ELAVL4: variants seen among roughly 807,000 people sequenced by gnomAD.
ELAVL4 encodes the protein ELAV like RNA binding protein 4, also known as ELAV-like protein 4.
In ELAVL4, 1 loss-of-function variant was observed where a neutral mutation model predicts 35.6. The observed-to-expected ratio is 0.03, with a 90% CI of 0.01 to 0.13. The LOEUF is 0.13. Among genes scored for constraint, ELAVL4 ranks in the 10% least tolerant of loss-of-function variants. ELAVL4 has a pLI of 1.00. For missense variants in ELAVL4, 267 were observed against 464.9 expected (o/e 0.57, Z 3.91); for synonymous variants, 156 against 171.0 (o/e 0.91, Z 0.69).
chr1:50,102,276 A>C (rs1433549031), upstream of ELAVL4, among the ~76,000 whole-genome samples: 2 of 150,424 alleles, frequency 1.3e-5, no homozygotes, highest in Non-Finnish European at 2.9e-5. Flanking sequence ...TCAAAGCGAG[A>C]CTCCATCTCA....
chr1:50,127,199 C>G (rs1397485929), intron 1 of ELAVL4, among the ~76,000 whole-genome samples: 1 of 152,126 alleles, frequency 6.6e-6, no homozygotes, highest in Non-Finnish European at 1.5e-5. Context: ...CTGCACCTGC[C>G]TCTGATAGCT....
intron 1 of ELAVL4, among the ~76,000 whole-genome samples, chr1:50,118,724 G>A (rs552502719): frequency 2.6e-5 from 4 of 151,968 alleles, no homozygotes; most frequent in East Asian, 1.9e-4. Flanking sequence ...ACCTGTTGCC[G>A]TTATGAAGAA....
chr1:50,068,713 C>G (rs1221432729), intron 1 of ELAVL4, among the ~76,000 whole-genome samples: 3 of 152,160 alleles, frequency 2.0e-5, no homozygotes. Context: ...AATTGCATTT[C>G]TGAACATCAT....
chr1:50,175,821 C>T (rs983402629), intron 2 of ELAVL4: 4 of 152,258 alleles, frequency 2.6e-5, no homozygotes, highest in African/African-American at 9.6e-5. Context: ...AAATGGGCTC[C>T]TGTCACCAGG....
intron 1 of ELAVL4, among the ~76,000 whole-genome samples, chr1:50,139,366 C>G (rs1001423327): frequency 6.6e-6 from 1 of 152,184 alleles, no homozygotes; most frequent in Non-Finnish European, 1.5e-5. Flanking sequence ...GTGCTATACT[C>G]AGAAAAGTAT....
In ELAVL4 at chr1:50,085,736, C is replaced by T. The variant is rs79171244; in HGVS notation, c.18+37554C>T. 7.9e-5 allele frequency among the ~76,000 whole-genome samples: 12 copies of T among 152,296 alleles called. No homozygotes were observed. The East Asian group carries it at 1.2e-3, about 15-fold the overall frequency. ...TTTATTCAGATATCTAATTAGCAATCGCTTTAAAAATTCATCATATTTAAT... is the reference window on the plus strand; with the variant it reads ...TTTATTCAGATATCTAATTAGCAATTGCTTTAAAAATTCATCATATTTAAT... On this transcript the variant is annotated intron_variant, in intron 1 of 6. Transcript: ENST00000448907.
At chr1:50,190,604 TTTGG>T (rs773957895) in intron 3 of ELAVL4, among the ~76,000 whole-genome samples, 112 of 152,332 alleles carry the variant, frequency 7.4e-4, no homozygotes, top group Non-Finnish European at 1.3e-3. Context: ...TGTTGCTGCC[TTTGG>T]GGATTTAGGG....
At chr1:50,185,644 A>G (rs919698554) in intron 3 of ELAVL4, among the ~76,000 whole-genome samples, 2 of 152,204 alleles carry the variant, frequency 1.3e-5, no homozygotes, top group African/African-American at 4.8e-5. Flanking sequence ...CGTAGCTTAC[A>G]GTGGATGCTC....
intron 1 of ELAVL4, among the ~76,000 whole-genome samples, chr1:50,057,114 T>C (rs1298299057): frequency 6.6e-6 from 1 of 152,026 alleles, no homozygotes; most frequent in Admixed American, 6.6e-5. Context: ...AAGACAGTGA[T>C]ATTGGTGATT....
intron 3 of ELAVL4, among the ~76,000 whole-genome samples, chr1:50,186,007 C>T (rs1395415239): frequency 6.6e-6 from 1 of 152,046 alleles, no homozygotes; most frequent in African/African-American, 2.4e-5. Context: ...CTGAAGGCCA[C>T]TAGATAGACA....
intron 1 of ELAVL4, among the ~76,000 whole-genome samples, chr1:50,098,245 C>G (rs534887716): frequency 1.3e-5 from 2 of 152,146 alleles, no homozygotes; most frequent in Non-Finnish European, 2.9e-5. Context: ...TCACTCTTCT[C>G]AGTAAGGGAG....
At chr1:50,137,457 T>G (rs1672072466) in intron 1 of ELAVL4, among the ~76,000 whole-genome samples, 1 of 151,926 alleles carries the variant, frequency 6.6e-6, no homozygotes, top group East Asian at 1.9e-4. Context: ...GAGGATCACT[T>G]GAGCCCAGGA....
At chr1:50,073,242 A>C (rs892658644) in intron 1 of ELAVL4, among the ~76,000 whole-genome samples, 11 of 152,198 alleles carry the variant, frequency 7.2e-5, no homozygotes, top group African/African-American at 2.7e-4. Flanking sequence ...GAGTTAGGAT[A>C]TAAGCTGAGG....
chr1:50,115,704 C>T (rs571991757), intron 1 of ELAVL4, among the ~76,000 whole-genome samples: 30 of 152,188 alleles, frequency 2.0e-4, no homozygotes, highest in South Asian at 1.7e-3. Flanking sequence ...GAATCTTCTC[C>T]TGCTTCTATG....
chr1:50,103,895 GAAGA>G (rs771275789), upstream of ELAVL4: 4 of 1,609,572 alleles, frequency 2.5e-6, no homozygotes, highest in Non-Finnish European at 3.4e-6. Context: ...GGACTGGTGT[GAAGA>G]GAGAGGCTCA....
chr1:50,095,896 G>T (rs1665698294), intron 1 of ELAVL4, among the ~76,000 whole-genome samples: 1 of 152,156 alleles, frequency 6.6e-6, no homozygotes, highest in Non-Finnish European at 1.5e-5. Flanking sequence ...CAATGGATTT[G>T]TTGAGTTTGA....
intron 4 of ELAVL4, among the ~76,000 whole-genome samples, chr1:50,195,020 T>C (rs1248946579): frequency 6.6e-6 from 1 of 151,958 alleles, no homozygotes; most frequent in Non-Finnish European, 1.5e-5. Flanking sequence ...CTGGACTTTA[T>C]CTGGGTGCAG....
chr1:50,181,679 G>GTTTTC (rs1282747054), intron 3 of ELAVL4, among the ~76,000 whole-genome samples: 6 of 151,826 alleles, frequency 4.0e-5, no homozygotes, highest in Non-Finnish European at 8.8e-5. Flanking sequence ...GTGTGTGTTT[G>GTTTTC]TTTTGTTTTG....
intron 2 of ELAVL4, among the ~76,000 whole-genome samples, chr1:50,170,532 T>G (rs1352005906): frequency 1.3e-5 from 2 of 152,124 alleles, no homozygotes; most frequent in African/African-American, 4.8e-5. Flanking sequence ...TCTGACCAAC[T>G]CCAATTCCCT....
Sources: allele counts gnomAD v4.1 joint callset (sites outside exome capture counted in the v4.1 genomes callset), GRCh38; gene constraint gnomAD v4.1.1; transcripts MANE v1.5; gene names NCBI Gene and HGNC (gene_info 2026-07-23, HGNC 2026-07-21).